AGBL1: variants seen among roughly 807,000 people sequenced by gnomAD.
AGBL1 encodes cytosolic carboxypeptidase 4.
In AGBL1, 130 loss-of-function variants were observed where a neutral mutation model predicts 118.9. That is an observed-to-expected ratio of 1.09 (90% CI 0.95 to 1.26). AGBL1 has a LOEUF of 1.26. AGBL1 is among the 50% of genes most tolerant of loss of function. The pLI is 0.00. For synonymous variants in AGBL1, 555 were observed against 478.9 expected, an observed-to-expected ratio of 1.16 and a Z score of -2.08; for missense variants, 1,584 against 1,298.1, an observed-to-expected ratio of 1.22 and a Z score of -3.38.
chr15:86,784,457 C>A (rs1389092386), intron 22 of AGBL1, among the ~76,000 whole-genome samples: 1 of 152,182 alleles, frequency 6.6e-6, no homozygotes, highest in Non-Finnish European at 1.5e-5. Flanking sequence ...ATAAAAATCC[C>A]TGGGTAGCTC....
At chr15:86,893,454 A>G (rs1036983926) in intron 22 of AGBL1, among the ~76,000 whole-genome samples, 14 of 152,222 alleles carry the variant, frequency 9.2e-5, no homozygotes, top group African/African-American at 3.4e-4. Context: ...CACTATAGGA[A>G]GCTGTCTTTT....
At chr15:86,210,026 T>A (rs1176860882) in intron 5 of AGBL1, among the ~76,000 whole-genome samples, 2 of 152,192 alleles carry the variant, frequency 1.3e-5, no homozygotes. Context: ...ACAAAATCTC[T>A]CAGCATTTAC....
chr15:86,397,723 A>T (rs2081389562), intron 18 of AGBL1, among the ~76,000 whole-genome samples, 177 bp downstream of exon 18: 1 of 152,168 alleles, frequency 6.6e-6, no homozygotes, highest in African/African-American at 2.4e-5. Context: ...TGTCAGTCTC[A>T]TGGTTTCTTT....
At chr15:86,373,928 A>G (rs916232121) in intron 17 of AGBL1, among the ~76,000 whole-genome samples, 6 of 152,232 alleles carry the variant, frequency 3.9e-5, no homozygotes, top group Non-Finnish European at 8.8e-5. Flanking sequence ...GGCTTGCTGT[A>G]TAGTAGCTAT....
At chr15:86,517,617 G>T (rs536576646) in intron 18 of AGBL1, among the ~76,000 whole-genome samples, 1 of 152,182 alleles carries the variant, frequency 6.6e-6, no homozygotes, top group Non-Finnish European at 1.5e-5. Context: ...GTTCCTGGAG[G>T]TGTGTAGGAA....
intron 1 of AGBL1, among the ~76,000 whole-genome samples, chr15:86,129,423 G>A (rs1329786540): frequency 6.6e-6 from 1 of 152,166 alleles, no homozygotes; most frequent in Non-Finnish European, 1.5e-5. Context: ...AAGCCCTAAA[G>A]CATCTCCCTG....
intron 22 of AGBL1, among the ~76,000 whole-genome samples, chr15:86,775,213 C>T (rs1053434673): frequency 7.9e-5 from 12 of 151,992 alleles, no homozygotes; most frequent in East Asian, 1.9e-4. Flanking sequence ...AGGCCTGTGG[C>T]GATAAACCAG....
chr15:86,604,431 A>G (rs1049901217), intron 21 of AGBL1, among the ~76,000 whole-genome samples: 4 of 152,218 alleles, frequency 2.6e-5, no homozygotes, highest in African/African-American at 7.2e-5. Context: ...AAAGTTACCC[A>G]TCTAATCATG....
chr15:86,373,152 C>T (rs933972314), intron 17 of AGBL1, among the ~76,000 whole-genome samples: 2 of 152,174 alleles, frequency 1.3e-5, no homozygotes, highest in Non-Finnish European at 2.9e-5. Flanking sequence ...TGACCCTCAC[C>T]TAATTAACTC....
chr15:86,816,667 AG>A (rs1391825699), intron 22 of AGBL1, among the ~76,000 whole-genome samples: 7 of 152,068 alleles, frequency 4.6e-5, no homozygotes, highest in African/African-American at 1.7e-4. Context: ...AGAAAGATGT[AG>A]TAAAAAAAAC....
At position 86,262,813 on chromosome 15, in the gene AGBL1, T is replaced by C; in HGVS notation, c.1005T>C (p.Ser335=). ...DDLETDVNKL[S]SKPGLDRPEE... ...TGGAAACAGACGTGAACAAGCTGAG[T>C]TCCAAACCTGGTCTTGACCGACCTG... The change falls in exon 10 of 23, where the codon AGT becomes AGC. Residue 335 remains serine (S), a synonymous_variant. Coordinates refer to ENST00000614907, the MANE Select transcript of AGBL1 (RefSeq NM_001386094.1). The C allele has an allele frequency of 1.2e-6, 2 of 1,610,532 alleles. No individual in the cohort carries two copies. Among genetic ancestry groups the C allele is most frequent in the Non-Finnish European group, 1.7e-6 (2 of 1,178,388 alleles).
intron 6 of AGBL1, among the ~76,000 whole-genome samples, chr15:86,227,654 G>A (rs1302150095): frequency 6.6e-6 from 1 of 152,232 alleles, no homozygotes; most frequent in Non-Finnish European, 1.5e-5. Context: ...ATGAGCTGAA[G>A]CTCATTCAAA....
chr15:86,463,677 C>T (rs947567873), intron 18 of AGBL1, among the ~76,000 whole-genome samples: 2 of 152,202 alleles, frequency 1.3e-5, no homozygotes, highest in Non-Finnish European at 2.9e-5. Flanking sequence ...GTTTTCCCAA[C>T]ACCATTTATT....
intron 5 of AGBL1, among the ~76,000 whole-genome samples, chr15:86,182,550 TC>T (rs2077568636): frequency 6.6e-6 from 1 of 152,116 alleles, no homozygotes; most frequent in African/African-American, 2.4e-5. Flanking sequence ...AGAATGCAAA[TC>T]AAGTACTTCC....
At chr15:86,182,925 ATGT>A (rs2077574218) in intron 5 of AGBL1, among the ~76,000 whole-genome samples, 2 of 152,180 alleles carry the variant, frequency 1.3e-5, no homozygotes, top group Non-Finnish European at 2.9e-5. Flanking sequence ...ATAGCAAGAG[ATGT>A]TGTTATTTTA....
chr15:86,109,122 A>T (rs1283979527), intron 1 of AGBL1, among the ~76,000 whole-genome samples: 1 of 152,232 alleles, frequency 6.6e-6, no homozygotes, highest in Admixed American at 6.5e-5. Context: ...TATATCTACT[A>T]CAACTCCTTG....
At chr15:87,030,485 G>C (rs1026368323), downstream of AGBL1, among the ~76,000 whole-genome samples, 64 of 151,906 alleles carry the variant, frequency 4.2e-4, no homozygotes, top group African/African-American at 1.5e-3. Context: ...CTCTTTGCTT[G>C]ACCATAGATT....
intron 24 of AGBL1, among the ~76,000 whole-genome samples, chr15:87,017,223 G>A (rs2141794549): frequency 6.6e-6 from 1 of 152,194 alleles, no homozygotes; most frequent in Admixed American, 6.5e-5. Flanking sequence ...TGGAGAGTCT[G>A]GACAGTCCAG....
chr15:86,374,243 C>G lies in AGBL1; in HGVS notation c.2375-23123C>G, dbSNP rs535862571. ...AATGGTATCCATTGATACTTGGAGC[C>G]AAATAAGATTTGTATCTTAGTGAGG... On this transcript the variant is annotated intron_variant, in intron 17 of 22. Transcript: ENST00000614907. 3.9e-5 allele frequency among the ~76,000 whole-genome samples: 6 copies of G among 152,260 alleles called. No individual in the cohort carries two copies. In the South Asian group the frequency reaches 1.2e-3, roughly 32 times the overall value.
Sources: allele counts gnomAD v4.1 joint callset (sites outside exome capture counted in the v4.1 genomes callset), GRCh38; gene constraint gnomAD v4.1.1; transcripts MANE v1.5; gene names NCBI Gene and HGNC (gene_info 2026-07-23, HGNC 2026-07-21).